MYRFL: variants seen among roughly 807,000 people sequenced by gnomAD.
The protein encoded by MYRFL is myelin regulatory factor-like protein.
MYRFL carries 88 observed loss-of-function variants against 109.4 expected under a neutral mutation model. The ratio of observed to expected loss-of-function variants is 0.80; its 90% CI spans 0.68 to 0.96. The LOEUF (loss-of-function observed/expected upper bound fraction) is 0.96, where lower values mean the gene tolerates loss of function less well. Among genes scored for constraint, MYRFL ranks in the 40% least tolerant of loss-of-function variants. The pLI, the probability that MYRFL is intolerant of heterozygous loss-of-function variation, is 0.00. For missense variants in MYRFL, 957 were observed against 954.9 expected (o/e 1.00, Z -0.03); for synonymous variants, 324 against 320.9 (o/e 1.01, Z -0.10).
intron 1 of MYRFL, among the ~76,000 whole-genome samples, chr12:69,827,478 C>T (rs1207075165): frequency 6.6e-6 from 1 of 151,818 alleles, no homozygotes; most frequent in East Asian, 1.9e-4. Flanking sequence ...AATAGGTAGG[C>T]TTGTGAGCTA....
intron 6 of MYRFL, among the ~76,000 whole-genome samples, chr12:69,887,268 A>G (rs1886513121): frequency 6.6e-6 from 1 of 152,242 alleles, no homozygotes; most frequent in Non-Finnish European, 1.5e-5. Context: ...AAACTGGAAT[A>G]TAAACATTCC....
rs74787966 is a variant in MYRFL, at chr12:69,908,256, C to T, written c.1384-1713C>T. On this transcript the variant is annotated intron_variant, in intron 11 of 24. Transcript: ENST00000552032. The stretch of plus-strand genomic sequence containing the variant: ...GACCTTAAACATGTCCTCACTCTCA[C>T]GGGGTGTATGTGATATAGGAGAAGA... 8.8e-4 allele frequency among the ~76,000 whole-genome samples: 134 copies of T among 152,264 alleles called. 2 individuals carry two copies. The East Asian group carries it at 0.019, about 21-fold the overall frequency.
chr12:69,955,087 G>A (rs1001749902), intron 21 of MYRFL, among the ~76,000 whole-genome samples: 1 of 152,074 alleles, frequency 6.6e-6, no homozygotes, highest in African/African-American at 2.4e-5. Context: ...TCTTGGTCTA[G>A]GATTTGACTT....
At chr12:69,891,442 T>C (rs1036495912) in intron 7 of MYRFL, among the ~76,000 whole-genome samples, 1 of 152,206 alleles carries the variant, frequency 6.6e-6, no homozygotes, top group Non-Finnish European at 1.5e-5. Flanking sequence ...GGGCTCTAAC[T>C]GACAGGGCTT....
chr12:69,854,411 A>T (rs781780654), intron 1 of MYRFL, among the ~76,000 whole-genome samples: 1 of 149,882 alleles, frequency 6.7e-6, no homozygotes, highest in African/African-American at 2.5e-5. Flanking sequence ...TGAGATGGAG[A>T]CTCACTCTGT....
intron 13 of MYRFL, among the ~76,000 whole-genome samples, chr12:69,917,978 C>A (rs1197578604): frequency 6.6e-6 from 1 of 151,024 alleles, no homozygotes; most frequent in Non-Finnish European, 1.5e-5. Flanking sequence ...GAGGAAGCTG[C>A]AGCCATGGAT....
At position 69,932,519 on chromosome 12, in the gene MYRFL, T is replaced by G; in HGVS notation, c.1837T>G (p.Phe613Val). 6.5e-7 allele frequency: 1 copy of G among 1,535,566 alleles called. No individual in the cohort carries two copies. Among genetic ancestry groups the G allele is most frequent in the Non-Finnish European group, 8.7e-7 (1 of 1,146,384 alleles). ...TTACTGAACCTTTTTATAGGTTTAT[T>G]TTTCAGGAAAAAGACAGGCGTGTCC... ...AVHKKNNKVY[F>V]SGKRQACPNW... Residue 613 changes from phenylalanine to valine, a missense_variant, in exon 16 of 25, where the codon TTT becomes GTT. By Grantham distance (50) the Phe-to-Val change is conservative. Coordinates refer to ENST00000552032, the MANE Select transcript of MYRFL (RefSeq NM_182530.3).
At chr12:69,942,729 A>G (rs934607167) in intron 19 of MYRFL, among the ~76,000 whole-genome samples, 1 of 152,032 alleles carries the variant, frequency 6.6e-6, no homozygotes, top group Non-Finnish European at 1.5e-5. Context: ...TCAAATAGGA[A>G]AAGAGGAAGT....
intron 13 of MYRFL, among the ~76,000 whole-genome samples, chr12:69,912,409 T>C (rs1954598964): frequency 6.6e-6 from 1 of 152,188 alleles, no homozygotes; most frequent in African/African-American, 2.4e-5. Flanking sequence ...ACCATCCATC[T>C]CCAGAACTCT....
chr12:69,877,845 G>T (rs1340946951), intron 2 of MYRFL, among the ~76,000 whole-genome samples: 1 of 152,222 alleles, frequency 6.6e-6, no homozygotes, highest in Non-Finnish European at 1.5e-5. Context: ...GGGTGCTTAT[G>T]TATGATGCAG....
intron 1 of MYRFL, among the ~76,000 whole-genome samples, chr12:69,827,043 C>A (rs941421199): frequency 6.6e-6 from 1 of 152,074 alleles, no homozygotes; most frequent in African/African-American, 2.4e-5. Context: ...CTGAGCTATA[C>A]CCTCTCCTTG....
At position 69,903,938 on chromosome 12, in the gene MYRFL, C is replaced by A. The variant is rs907617107; in HGVS notation, c.1383+94C>A. ...CTCTGACACACCTTGAACCGCACAT[C>A]TTTACATGTCACCCACTGGTGTGAG... On this transcript the variant is annotated intron_variant, in intron 11 of 24. Transcript: ENST00000552032. 2.2e-5 allele frequency: 25 copies of A among 1,125,654 alleles called. 1 individual carries two copies. The highest frequency in any genetic ancestry group is 2.8e-5 in the Non-Finnish European group (23 of 818,542). The allele number at this position is 1,125,654 out of a possible 1,614,324, so 69.7% of individuals were successfully genotyped here.
rs201768610 is a variant in MYRFL at position 69,890,591 on chromosome 12, G to A, written c.708-380G>A. 4.7e-4 allele frequency among the ~76,000 whole-genome samples: 71 copies of A among 152,166 alleles called. No individual in the cohort carries two copies. In the East Asian group the frequency reaches 0.012, roughly 26 times the overall value. ...TCTACTAAAAATACAAAAATTAGCC[G>A]GGCGTGGTGGTGTGCACCTGTAGTC... On this transcript the variant is annotated intron_variant, in intron 6 of 24. Transcript: ENST00000552032.
At chr12:69,951,993 G>A (rs1367792941) in intron 19 of MYRFL, 120 bp from the exon 20 acceptor site, 8 of 747,210 alleles carry the variant, frequency 1.1e-5, no homozygotes, top group Non-Finnish European at 1.8e-5. Context: ...TGAGTTGAAG[G>A]ATGGGAGACA....
At chr12:69,893,925 A>G (rs1329387968) in intron 8 of MYRFL, 85 bp downstream of exon 8, 1 of 342,570 alleles carries the variant, frequency 2.9e-6, no homozygotes, top group Non-Finnish European at 4.5e-6. Context: ...AATTTTATTT[A>G]TTATCTAATA....
chr12:69,953,933 T>C (rs1046114192), intron 21 of MYRFL, among the ~76,000 whole-genome samples: 1 of 152,192 alleles, frequency 6.6e-6, no homozygotes, highest in Non-Finnish European at 1.5e-5. Flanking sequence ...CAACCTGATA[T>C]AACCTGGGCT....
chr12:69,945,986 CAAAAAAAAAAAAAA>C lies in MYRFL; in HGVS notation c.2225-6112_2225-6099del, dbSNP rs56988555. Among the ~76,000 whole-genome samples, 26 of 42,344 alleles carry C rather than the reference CAAAAAAAAAAAAAA, an allele frequency of 6.1e-4. No individual in the cohort carries two copies. The Admixed American group carries it at 7.7e-3, about 13-fold the overall frequency. 27.8% of individuals were successfully genotyped at this position (42,344 alleles called of 152,430 possible). A position where few individuals can be genotyped will look rare whatever the true frequency, so the allele number is the denominator to read the frequency against. On this transcript the variant is annotated intron_variant, in intron 19 of 24. Transcript: ENST00000552032. ...TGGGCGACAGAGCGAGACTCCGTCT[CAAAAAAAAAAAAAA>C]AAAAAAAAAAAAAATTATAGAAACT...
chr12:69,911,753 T>C (rs1411826126), intron 13 of MYRFL, among the ~76,000 whole-genome samples: 2 of 152,190 alleles, frequency 1.3e-5, no homozygotes, highest in Non-Finnish European at 2.9e-5. Context: ...CATTATTATA[T>C]TTGATGCTGA....
intron 20 of MYRFL, 87 bp downstream of exon 20, chr12:69,952,262 G>A: frequency 8.0e-7 from 1 of 1,256,722 alleles, no homozygotes; most frequent in Admixed American, 2.0e-5. Flanking sequence ...GGAGTGAGGA[G>A]CAGGGACAAA....
Sources: allele counts gnomAD v4.1 joint callset (sites outside exome capture counted in the v4.1 genomes callset), GRCh38; gene constraint gnomAD v4.1.1; transcripts MANE v1.5; gene names NCBI Gene and HGNC (gene_info 2026-07-23, HGNC 2026-07-21).